Variants in SAMMSON observed in about 807,000 individuals in gnomAD.
SAMMSON encodes long intergenic non-protein coding RNA 1212.
At chr3:70,363,445 CA>C (rs1019476533) in intron 9 of SAMMSON, among the ~76,000 whole-genome samples, 1 of 151,556 alleles carries the variant, frequency 6.6e-6, no homozygotes, top group Admixed American at 6.6e-5. Flanking sequence ...CTCACACACA[CA>C]AAAAAAACCC....
chr3:70,394,921 G>A (rs1701078807), intron 2 of SAMMSON, among the ~76,000 whole-genome samples: 1 of 152,084 alleles, frequency 6.6e-6, no homozygotes, highest in African/African-American at 2.4e-5. Flanking sequence ...TTGATATTTT[G>A]TTCATAATTA....
chr3:70,419,225 G>T (rs554321084), intron 2 of SAMMSON, among the ~76,000 whole-genome samples: 1 of 151,666 alleles, frequency 6.6e-6, no homozygotes, highest in Non-Finnish European at 1.5e-5. Context: ...AAGAGATAGG[G>T]TTTTGCCATG....
intron 6 of SAMMSON, among the ~76,000 whole-genome samples, chr3:70,288,422 G>T (rs933151820): frequency 1.8e-4 from 27 of 150,004 alleles, no homozygotes; most frequent in African/African-American, 6.2e-4. Context: ...TGGTCTGAGA[G>T]ATAGTTTGTT....
At chr3:70,149,695 G>A (rs1210627817) in intron 4 of SAMMSON, among the ~76,000 whole-genome samples, 2 of 151,998 alleles carry the variant, frequency 1.3e-5, no homozygotes, top group Non-Finnish European at 2.9e-5. Flanking sequence ...GTGATTTTTA[G>A]GCCATGGGGA....
In SAMMSON at chr3:70,299,759, A is replaced by G. The variant is rs140043612; in HGVS notation, n.739+8516A>G. 4.6e-5 allele frequency among the ~76,000 whole-genome samples: 7 copies of G among 152,194 alleles called. No homozygotes were observed. In the East Asian group the frequency reaches 1.4e-3, roughly 29 times the overall value. On this transcript the variant is annotated intron_variant and non_coding_transcript_variant, in intron 7 of 9. Transcript: ENST00000642114. ...TATCCTCAACTCACAAATCTTTTCT[A>G]AAGCACAGAGCTGATTCTGTTATCT...
At chr3:70,170,415 T>A (rs146504395) in intron 4 of SAMMSON, among the ~76,000 whole-genome samples, 1,547 of 151,924 alleles carry the variant, frequency 0.01, 15 homozygotes, top group South Asian at 0.033. Flanking sequence ...GAATAATTTT[T>A]TTGTCTCTTT....
intron 7 of SAMMSON, among the ~76,000 whole-genome samples, chr3:70,351,414 G>A (rs1280322776): frequency 2.0e-5 from 3 of 152,026 alleles, no homozygotes; most frequent in East Asian, 1.9e-4. Flanking sequence ...AGAAAAATAT[G>A]TTTCCAAAAT....
chr3:70,296,457 A>G (rs1702289614), intron 7 of SAMMSON, among the ~76,000 whole-genome samples: 2 of 152,146 alleles, frequency 1.3e-5, no homozygotes, highest in Admixed American at 6.5e-5. Context: ...TATAGAACCC[A>G]TCACCTCTCA....
chr3:70,072,321 G>A (rs1354192668), intron 4 of SAMMSON: 1 of 151,772 alleles, frequency 6.6e-6, no homozygotes, highest in Non-Finnish European at 1.5e-5. Flanking sequence ...GTTTTGCTCT[G>A]GCTACCCGCT....
intron 3 of SAMMSON, among the ~76,000 whole-genome samples, chr3:70,067,647 A>G (rs1313387437): frequency 6.6e-6 from 1 of 152,158 alleles, no homozygotes; most frequent in Non-Finnish European, 1.5e-5. Flanking sequence ...CAAGAAGGCA[A>G]GAAGAGCCAG....
intron 4 of SAMMSON, among the ~76,000 whole-genome samples, chr3:70,237,977 ATC>A (rs1179367549): frequency 7.7e-5 from 1 of 13,008 alleles, no homozygotes; most frequent in African/African-American, 4.9e-4. Context: ...ATTGAGTGGT[ATC>A]TTTTTTTTTT....
At chr3:70,173,333 A>G (rs1478582705) in intron 4 of SAMMSON, among the ~76,000 whole-genome samples, 5 of 151,952 alleles carry the variant, frequency 3.3e-5, no homozygotes, top group African/African-American at 1.2e-4. Context: ...ATTGAGTTTA[A>G]TTTAAAAACA....
At chr3:70,060,545 T>C (rs1340146562) in intron 3 of SAMMSON, among the ~76,000 whole-genome samples, 3 of 152,154 alleles carry the variant, frequency 2.0e-5, no homozygotes, top group Non-Finnish European at 4.4e-5. Context: ...TATTGATAGA[T>C]ACTTAGGCTT....
At chr3:70,226,475 C>A (rs932710003) in intron 4 of SAMMSON, among the ~76,000 whole-genome samples, 1 of 152,128 alleles carries the variant, frequency 6.6e-6, no homozygotes, top group African/African-American at 2.4e-5. Context: ...CAGTGGCTCA[C>A]GCCTGTAATC....
chr3:70,007,964 G>A (rs930571675), intron 1 of SAMMSON, among the ~76,000 whole-genome samples: 2 of 151,836 alleles, frequency 1.3e-5, no homozygotes, highest in African/African-American at 2.4e-5. Context: ...GTAGATACGC[G>A]GCATTATTTC....
At chr3:70,063,265 G>A (rs1403266346) in intron 3 of SAMMSON, among the ~76,000 whole-genome samples, 4 of 151,990 alleles carry the variant, frequency 2.6e-5, no homozygotes, top group African/African-American at 9.7e-5. Flanking sequence ...ATTTGAATAG[G>A]TTCATTATTC....
chr3:70,053,704 A>C (rs1310027052), intron 3 of SAMMSON, among the ~76,000 whole-genome samples: 1 of 152,124 alleles, frequency 6.6e-6, no homozygotes, highest in African/African-American at 2.4e-5. Context: ...AGACCCTTCC[A>C]GGTTTCCCAT....
chr3:70,395,875 C>T (rs538211250), intron 2 of SAMMSON, among the ~76,000 whole-genome samples: 10 of 152,200 alleles, frequency 6.6e-5, no homozygotes, highest in East Asian at 3.9e-4. Flanking sequence ...CTTAAAGGCA[C>T]GAGCTTGGAA....
intron 3 of SAMMSON, among the ~76,000 whole-genome samples, chr3:70,021,110 G>A (rs954225598): frequency 3.3e-5 from 5 of 152,024 alleles, no homozygotes; most frequent in African/African-American, 9.7e-5. Context: ...CACCACATTG[G>A]CTGTTCATGG....
Sources: gnomAD v4.1 joint callset for allele counts (sites outside exome capture counted in the v4.1 genomes callset) on GRCh38, gnomAD v4.1.1 for gene constraint, MANE v1.5 for transcripts, NCBI Gene and HGNC (gene_info 2026-07-23, HGNC 2026-07-21) for gene names.